Variants in CUL5 observed in about 807,000 individuals in gnomAD.
The protein encoded by CUL5 is cullin 5, also known as cullin-5.
In CUL5, 26 loss-of-function variants were observed where a neutral mutation model predicts 108.8. The ratio of observed to expected loss-of-function variants is 0.24; its 90% CI spans 0.18 to 0.33. The LOEUF (loss-of-function observed/expected upper bound fraction) is 0.33. Among genes scored for constraint, CUL5 ranks in the 10% least tolerant of loss-of-function variants. The pLI, the probability that CUL5 is intolerant of heterozygous loss-of-function variation, is 1.00. For synonymous variants in CUL5, 334 were observed against 298.0 expected (o/e 1.12, Z -1.25); for missense variants, 524 against 909.2 (o/e 0.58, Z 5.45).
chr11:108,102,609 G>A (rs1451020145), intron 18 of CUL5, among the ~76,000 whole-genome samples: 2 of 151,586 alleles, frequency 1.3e-5, no homozygotes, highest in Admixed American at 6.6e-5. Flanking sequence ...GGGATTGCAG[G>A]CATGAGCCAC....
At chr11:108,051,627 C>G (rs1367479712) in intron 4 of CUL5, among the ~76,000 whole-genome samples, 1 of 152,112 alleles carries the variant, frequency 6.6e-6, no homozygotes, top group Non-Finnish European at 1.5e-5. Flanking sequence ...ATATAATCAC[C>G]AATGTTTATA....
chr11:108,017,423 C>A (rs1862226235), intron 1 of CUL5, among the ~76,000 whole-genome samples: 2 of 141,346 alleles, frequency 1.4e-5, no homozygotes, highest in African/African-American at 5.2e-5. Context: ...ATCAGTGATA[C>A]AATAGTGAAT....
intron 18 of CUL5, among the ~76,000 whole-genome samples, chr11:108,100,935 A>T (rs1864646025): frequency 6.6e-6 from 1 of 152,166 alleles, no homozygotes; most frequent in Non-Finnish European, 1.5e-5. Flanking sequence ...AGGCTGAGGC[A>T]GGGGAATGGC....
intron 1 of CUL5, among the ~76,000 whole-genome samples, chr11:108,011,540 CAG>C (rs1862057156): frequency 6.6e-6 from 1 of 152,032 alleles, no homozygotes; most frequent in Admixed American, 6.5e-5. Context: ...GTAAGTGACT[CAG>C]TGACTCTAGT....
At chr11:108,099,479 T>A (rs1297177330) in intron 18 of CUL5, among the ~76,000 whole-genome samples, 2 of 152,196 alleles carry the variant, frequency 1.3e-5, no homozygotes, top group African/African-American at 2.4e-5. Flanking sequence ...ACACATTTTT[T>A]AAAAAGTACT....
chr11:108,029,302 G>C (rs1296684623), intron 1 of CUL5, among the ~76,000 whole-genome samples: 1 of 152,224 alleles, frequency 6.6e-6, no homozygotes, highest in Non-Finnish European at 1.5e-5. Context: ...GGGATTAGTT[G>C]TGCTGTAAGG....
chr11:108,036,676 C>T (rs1228815761), intron 2 of CUL5, among the ~76,000 whole-genome samples: 1 of 152,170 alleles, frequency 6.6e-6, no homozygotes, highest in East Asian at 1.9e-4. Context: ...CAGGTTTTCA[C>T]CATGTTGGCC....
In CUL5 at chr11:108,068,161, G is replaced by A. The variant is rs537498124; in HGVS notation, c.781-1935G>A. On this transcript the variant is annotated intron_variant, in intron 7 of 18. Coordinates refer to ENST00000393094, the MANE Select transcript of CUL5 (RefSeq NM_003478.6). ...TTGAACTCCTGACCTCAGGTGATCC[G>A]CCCGCCTTAGCCTCCCAAAGTGCTG... Among the ~76,000 whole-genome samples, 91 of 152,120 alleles carry A rather than the reference G, an allele frequency of 6.0e-4. 1 individual carries two copies. Among genetic ancestry groups the A allele is most frequent in the African/African-American group, 2.0e-3 (83 of 41,496 alleles).
At chr11:108,041,228 C>T (rs7118335) in intron 2 of CUL5, among the ~76,000 whole-genome samples, 20,125 of 152,048 alleles carry the variant, frequency 0.13, 1,431 homozygotes, top group African/African-American at 0.18. Flanking sequence ...CACAGGTGTT[C>T]CCTTAGTAAA....
chr11:108,019,195 G>GGTGGGT (rs1862271805), intron 1 of CUL5, among the ~76,000 whole-genome samples: 1 of 144,490 alleles, frequency 6.9e-6, no homozygotes, highest in African/African-American at 2.5e-5. Flanking sequence ...TATCCCGATG[G>GGTGGGT]GTGGGGGTGG....
intron 2 of CUL5, among the ~76,000 whole-genome samples, chr11:108,037,917 A>G (rs1862787639): frequency 6.6e-6 from 1 of 152,244 alleles, no homozygotes; most frequent in South Asian, 2.1e-4. Context: ...AGTCTCAGAC[A>G]CACTATTAAA....
At chr11:108,090,537 CTT>C (rs1463070867) in intron 13 of CUL5, among the ~76,000 whole-genome samples, 2 of 151,962 alleles carry the variant, frequency 1.3e-5, no homozygotes, top group Non-Finnish European at 2.9e-5. Context: ...ATTATTATAT[CTT>C]TAAGGTATTT....
intron 1 of CUL5, among the ~76,000 whole-genome samples, chr11:108,011,210 C>G (rs149386172): frequency 1.3e-5 from 2 of 152,326 alleles, no homozygotes; most frequent in East Asian, 3.9e-4. Flanking sequence ...AGTCACTGTT[C>G]TACTTACAAA....
chr11:108,033,414 A>G (rs1432523687), intron 1 of CUL5, among the ~76,000 whole-genome samples: 1 of 152,158 alleles, frequency 6.6e-6, no homozygotes, highest in Admixed American at 6.5e-5. Context: ...GAGCCTCTAC[A>G]TAGGATTATA....
chr11:108,045,451 G>A (rs1051242509), intron 2 of CUL5, among the ~76,000 whole-genome samples: 1 of 152,216 alleles, frequency 6.6e-6, no homozygotes, highest in South Asian at 2.1e-4. Flanking sequence ...AAACTAGACA[G>A]GTGCATGCTT....
At chr11:108,050,991 T>A (rs79502662) in intron 4 of CUL5, among the ~76,000 whole-genome samples, 1,936 of 152,310 alleles carry the variant, frequency 0.013, 51 homozygotes, top group African/African-American at 0.044. Context: ...GACCGTAGAT[T>A]TGAAAAGTAA....
chr11:108,032,867 C>T (rs1465781742), intron 1 of CUL5, among the ~76,000 whole-genome samples: 8 of 150,252 alleles, frequency 5.3e-5, no homozygotes, highest in African/African-American at 2.0e-4. Context: ...TTTTTTTTCT[C>T]CTCAGTTTTC....
intron 1 of CUL5, among the ~76,000 whole-genome samples, chr11:108,033,260 A>G (rs1565237938): frequency 6.6e-6 from 1 of 152,104 alleles, no homozygotes; most frequent in Admixed American, 6.6e-5. Context: ...AGCTCACCCA[A>G]CCTTTACTGT....
At chr11:108,028,220 A>T (rs542390635) in intron 1 of CUL5, among the ~76,000 whole-genome samples, 60 of 152,378 alleles carry the variant, frequency 3.9e-4, no homozygotes, top group African/African-American at 1.3e-3. Flanking sequence ...ATCTAAAACC[A>T]GTCTCACAAG....
Sources: gnomAD v4.1 joint callset for allele counts (sites outside exome capture counted in the v4.1 genomes callset) on GRCh38, gnomAD v4.1.1 for gene constraint, MANE v1.5 for transcripts, NCBI Gene and HGNC (gene_info 2026-07-23, HGNC 2026-07-21) for gene names.